Variants in SUFU observed in about 807,000 individuals in gnomAD.
SUFU encodes the protein suppressor of fused homolog.
Under a neutral mutation model 58.9 loss-of-function variants are expected in SUFU, and 7 were observed. That is an observed-to-expected ratio of 0.12 (90% confidence interval 0.07 to 0.22). SUFU has a LOEUF of 0.22. Among genes scored for constraint, SUFU ranks in the 10% least tolerant of loss-of-function variants. The probability of loss-of-function intolerance (pLI) is 1.00; values close to 1 mark genes in which losing one functional copy is unlikely to be tolerated. For missense variants in SUFU, 451 were observed against 641.3 expected (o/e 0.70, Z 3.20); for synonymous variants, 232 against 254.8 (o/e 0.91, Z 0.85).
At chr10:102,546,514 T>C (rs1220267442) in intron 2 of SUFU, among the ~76,000 whole-genome samples, 1 of 152,184 alleles carries the variant, frequency 6.6e-6, no homozygotes, top group East Asian at 1.9e-4. Flanking sequence ...TTTCCTTTCT[T>C]GGAAGATGTG....
chr10:102,546,355 TTTTC>T (rs891662456), intron 2 of SUFU, among the ~76,000 whole-genome samples: 12 of 152,308 alleles, frequency 7.9e-5, no homozygotes, highest in African/African-American at 2.9e-4. Flanking sequence ...GGAAGAATTT[TTTTC>T]TTTCTTTCTT....
intron 2 of SUFU, among the ~76,000 whole-genome samples, chr10:102,530,391 C>G (rs2062663628): frequency 6.6e-6 from 1 of 151,870 alleles, no homozygotes; most frequent in African/African-American, 2.4e-5. Flanking sequence ...AGTCCTTCAG[C>G]CCATAACCTT....
intron 8 of SUFU, among the ~76,000 whole-genome samples, chr10:102,610,387 T>A (rs1210437005): frequency 1.0e-3 from 2 of 1,984 alleles, no homozygotes; most frequent in African/African-American, 4.7e-3. Context: ...AGCAAGACTC[T>A]GTCTCAAAAA....
At position 102,617,493 on chromosome 10, in the gene SUFU, C is replaced by T; in HGVS notation, c.1296+65C>T. 2 of 1,610,270 alleles carry T rather than the reference C, an allele frequency of 1.2e-6. No homozygotes were observed. The highest frequency in any genetic ancestry group is 1.7e-6 in the Non-Finnish European group (2 of 1,176,690). On this transcript the variant is annotated intron_variant, in intron 10 of 11. Coordinates refer to ENST00000369902, the MANE Select transcript of SUFU (RefSeq NM_016169.4). This position sits in a 1 kb window ranked among gnomAD's most constrained non-coding sequence, Gnocchi z 4.4. ...GACTTCCTTGCCCACCCCTCCTCTT[C>T]TCCCTTGGCAGCTCTTGATGGCACC...
intron 10 of SUFU, among the ~76,000 whole-genome samples, chr10:102,622,607 C>T (rs1007625670): frequency 2.6e-5 from 4 of 151,248 alleles, no homozygotes; most frequent in South Asian, 2.2e-4. Flanking sequence ...CCGGGCATGG[C>T]GGCGGGCGCC....
rs896874927 is a variant in SUFU at position 102,630,309 on chromosome 10, A to G, written c.*154A>G. 1.4e-6 allele frequency: 1 copy of G among 691,916 alleles called. No homozygotes were observed. The highest frequency in any genetic ancestry group is 2.2e-5 in the Admixed American group (1 of 45,546). 42.9% of individuals were successfully genotyped at this position (691,916 alleles called of 1,614,324 possible). A position where few individuals can be genotyped will look rare whatever the true frequency, so the allele number is the denominator to read the frequency against. On this transcript the variant is annotated 3_prime_UTR_variant, in exon 12 of 12. Coordinates refer to ENST00000369902, the MANE Select transcript of SUFU (RefSeq NM_016169.4). Reference sequence around the variant, plus strand: ...CCCGCAGCCCAGTGGGGTGCCATGCACAGGCCACAGGCCCTCCACCTCACC... The same window carrying G: ...CCCGCAGCCCAGTGGGGTGCCATGCGCAGGCCACAGGCCCTCCACCTCACC...
rs982191044 is a variant in SUFU at position 102,625,055 on chromosome 10, G to A, written c.1297-2120G>A. Reference sequence around the variant, plus strand: ...TGCTAGCATTTGCAGAGATGGCAACGAGCCCCGGAAATGCCAAAAATATGA... The same window carrying A: ...TGCTAGCATTTGCAGAGATGGCAACAAGCCCCGGAAATGCCAAAAATATGA... On this transcript the variant is annotated intron_variant, in intron 10 of 11. Coordinates refer to ENST00000369902, the MANE Select transcript of SUFU (RefSeq NM_016169.4). This position sits in a 1 kb window ranked among gnomAD's most constrained non-coding sequence, Gnocchi z 4.7. 1.3e-5 allele frequency among the ~76,000 whole-genome samples: 2 copies of A among 152,198 alleles called. No individual in the cohort carries two copies. The highest frequency in any genetic ancestry group is 2.4e-5 in the African/African-American group (1 of 41,454).
chr10:102,564,667 T>C (rs1240683459), intron 3 of SUFU, among the ~76,000 whole-genome samples: 1 of 152,196 alleles, frequency 6.6e-6, no homozygotes, highest in Non-Finnish European at 1.5e-5. Context: ...CTAAGCTGCC[T>C]ATTGCCCCAG....
intron 10 of SUFU, among the ~76,000 whole-genome samples, chr10:102,626,462 C>T (rs191164001): frequency 5.9e-5 from 9 of 152,254 alleles, no homozygotes; most frequent in East Asian, 1.9e-4. Context: ...AGAACAGCAA[C>T]GTGGAATGCT....
At chr10:102,580,035 C>G (rs76021959) in intron 3 of SUFU, among the ~76,000 whole-genome samples, 14,213 of 121,196 alleles carry the variant, frequency 0.12, 2,044 homozygotes, top group East Asian at 0.48. Context: ...CCGCACCCCC[C>G]CCCCGCCCCC....
At position 102,616,588 on chromosome 10, in the gene SUFU, G is replaced by C. The variant is rs2135933391; in HGVS notation, c.1158-702G>C. 2.6e-5 allele frequency among the ~76,000 whole-genome samples: 4 copies of C among 152,372 alleles called. No homozygotes were observed. In the South Asian group the frequency reaches 8.3e-4, roughly 32 times the overall value. On this transcript the variant is annotated intron_variant, in intron 9 of 11. Transcript: ENST00000369902. ...GGTTAATTGGAGGCAGCCTGAGAAG[G>C]CAGAGGGCAGGTTCCACTTCCTTTG...
chr10:102,506,757 T>G lies in SUFU; in HGVS notation c.183-2412T>G, dbSNP rs1348020120. Among the ~76,000 whole-genome samples the G allele has an allele frequency of 3.3e-5, 5 of 152,326 alleles. No individual in the cohort carries two copies. In the East Asian group the frequency reaches 7.7e-4, roughly 23 times the overall value. On this transcript the variant is annotated intron_variant, in intron 1 of 11. Coordinates refer to ENST00000369902, the MANE Select transcript of SUFU (RefSeq NM_016169.4). ...GAAATTCATTTATATTCCTCACATT[T>G]GGGATCCCACGAGGTTTCTAGCAGG...
At chr10:102,594,884 A>C (rs974063712) in intron 6 of SUFU, among the ~76,000 whole-genome samples, 6 of 151,938 alleles carry the variant, frequency 3.9e-5, no homozygotes, top group Admixed American at 2.6e-4. Context: ...ACGCCCAGAT[A>C]ATTTTTTGTA....
intron 3 of SUFU, among the ~76,000 whole-genome samples, chr10:102,561,099 TC>T (rs1390592851): frequency 1.3e-5 from 2 of 152,202 alleles, no homozygotes; most frequent in Middle Eastern, 3.2e-3. Flanking sequence ...CGCCTTGGCC[TC>T]CCAAAGTGCT....
intron 3 of SUFU, among the ~76,000 whole-genome samples, chr10:102,588,366 C>G (rs1483506165): frequency 6.8e-6 from 1 of 148,090 alleles, no homozygotes; most frequent in Non-Finnish European, 1.5e-5. Context: ...ACACTCCAGC[C>G]TGGGCGACAG....
intron 8 of SUFU, among the ~76,000 whole-genome samples, chr10:102,601,346 G>C (rs962935204): frequency 1.3e-5 from 2 of 152,158 alleles, no homozygotes; most frequent in Admixed American, 1.3e-4. Context: ...CCCTAACTGG[G>C]CAGTCGGGTA....
chr10:102,589,358 G>A (rs568623003), intron 3 of SUFU, among the ~76,000 whole-genome samples: 2 of 149,612 alleles, frequency 1.3e-5, no homozygotes, highest in African/African-American at 4.9e-5. Context: ...ATTCCTTAAG[G>A]TTTTCTGTAT....
intron 3 of SUFU, among the ~76,000 whole-genome samples, chr10:102,569,207 A>G (rs1050723125): frequency 3.3e-5 from 5 of 151,936 alleles, no homozygotes; most frequent in African/African-American, 1.2e-4. Flanking sequence ...AGTTTGGCAC[A>G]TATGCCCAGC....
At chr10:102,592,429 T>A (rs142982375) in intron 3 of SUFU, among the ~76,000 whole-genome samples, 153 bp from the exon 4 acceptor site, 139 of 152,356 alleles carry the variant, frequency 9.1e-4, no homozygotes, top group African/African-American at 3.1e-3. Flanking sequence ...ACAAACTCTT[T>A]GCTTCCATCC....
Sources: allele counts gnomAD v4.1 joint callset (sites outside exome capture counted in the v4.1 genomes callset), GRCh38; gene constraint gnomAD v4.1.1; non-coding constraint Gnocchi (gnomAD v3.1); transcripts MANE v1.5; gene names NCBI Gene and HGNC (gene_info 2026-07-23, HGNC 2026-07-21).